Variants in INTS6 observed in about 807,000 individuals in gnomAD.
INTS6 encodes the protein DEAD box protein.
A neutral mutation model predicts 104.9 loss-of-function variants in INTS6; 16 were observed. The observed-to-expected ratio is 0.15, with a 90% CI of 0.10 to 0.23. The LOEUF (loss-of-function observed/expected upper bound fraction) is 0.23, where lower values mean the gene tolerates loss of function less well. Ranked by LOEUF, INTS6 falls within the 10% of genes least tolerant of loss-of-function variation. The probability of loss-of-function intolerance (pLI) is 1.00; values close to 1 mark genes in which losing one functional copy is unlikely to be tolerated. For missense variants in INTS6, 584 were observed against 1,062.8 expected (o/e 0.55, Z 6.26); for synonymous variants, 324 against 358.7 (o/e 0.90, Z 1.09).
exon 4 of INTS6, chr13:51,354,225 T>C (rs764673963): frequency 6.6e-6 from 1 of 152,122 alleles, no homozygotes; most frequent in Non-Finnish European, 1.5e-5. Context: ...TGTAGGTGAC[T>C]AGAGCATGGG....
Position 51,367,749 on chromosome 13 carries a change from A to C in INTS6, c.2570+56T>G, listed in dbSNP as rs1051012042. The C allele has an allele frequency of 1.7e-5, 16 of 961,170 alleles. No individual in the cohort carries two copies. The African/African-American group carries it at 2.6e-4, about 16-fold the overall frequency. 59.5% of individuals were successfully genotyped at this position (961,170 alleles called of 1,614,324 possible). A position where few individuals can be genotyped will look rare whatever the true frequency, so the allele number is the denominator to read the frequency against. On this transcript the variant is annotated intron_variant, in intron 17 of 17. Coordinates refer to ENST00000311234, the MANE Select transcript of INTS6 (RefSeq NM_012141.3). ...AACGGATACTATTAAAATACTGCCT[A>C]TATAAACTGTGGACTCATTTCATCA...
At chr13:51,429,934 C>T (rs564085210) in intron 4 of INTS6, among the ~76,000 whole-genome samples, 3 of 151,546 alleles carry the variant, frequency 2.0e-5, no homozygotes, top group South Asian at 2.1e-4. Flanking sequence ...GGACTGCCAA[C>T]GACAATCCAC....
At chr13:51,419,050 G>C (rs1342056078) in intron 4 of INTS6, among the ~76,000 whole-genome samples, 2 of 152,088 alleles carry the variant, frequency 1.3e-5, no homozygotes, top group South Asian at 4.1e-4. Context: ...TTTGCATCTA[G>C]GGTAATGTTT....
intron 17 of INTS6, among the ~76,000 whole-genome samples, chr13:51,367,330 C>G (rs908179087): frequency 6.6e-6 from 1 of 151,912 alleles, no homozygotes; most frequent in Non-Finnish European, 1.5e-5. Context: ...GAATGTGGAA[C>G]CCAGGGATAC....
Position 51,452,576 on chromosome 13 carries a change from G to A in INTS6, c.-51C>T, listed in dbSNP as rs756232990. 2 of 1,591,224 alleles carry A rather than the reference G, an allele frequency of 1.3e-6. No individual in the cohort carries two copies. The highest frequency in any genetic ancestry group is 1.4e-5 in the African/African-American group (1 of 73,826). Reference sequence around the variant, plus strand: ...CGAGGTGGTGGAGAAAGAGGAGATGGTAGAGGTGGAGGCGCCGGTGGCGGC... The same window carrying A: ...CGAGGTGGTGGAGAAAGAGGAGATGATAGAGGTGGAGGCGCCGGTGGCGGC... On this transcript the variant is annotated 5_prime_UTR_variant, in exon 1 of 18. Coordinates refer to ENST00000311234, the MANE Select transcript of INTS6 (RefSeq NM_012141.3). This position sits in a 1 kb window ranked among gnomAD's most constrained non-coding sequence, Gnocchi z 4.2.
rs776887576 is a variant in INTS6 at position 51,387,368 on chromosome 13, A to G, written c.894+18T>C. On this transcript the variant is annotated intron_variant, in intron 7 of 17. Transcript: ENST00000311234. The stretch of plus-strand genomic sequence containing the variant: ...GCTGAATGGTTACTATTACATAGTT[A>G]CAGTCTCTGGTACTTACTAGTGTTG... 6.3e-7 allele frequency: 1 copy of G among 1,593,574 alleles called. No individual in the cohort carries two copies.
chr13:51,383,128 A>C (rs1239698154), intron 9 of INTS6, among the ~76,000 whole-genome samples: 1 of 138,678 alleles, frequency 7.2e-6, no homozygotes, highest in Admixed American at 7.6e-5. Flanking sequence ...ATTAAATTGC[A>C]GACTAAAAAG....
chr13:51,353,911 C>T (rs1416805843), downstream of INTS6, among the ~76,000 whole-genome samples: 3 of 151,980 alleles, frequency 2.0e-5, no homozygotes, highest in African/African-American at 7.3e-5. Flanking sequence ...ATCAGCAGCC[C>T]TTTTAAAGTA....
chr13:51,369,518 A>G (rs1426551865), intron 15 of INTS6, among the ~76,000 whole-genome samples: 1 of 152,180 alleles, frequency 6.6e-6, no homozygotes, highest in African/African-American at 2.4e-5. Context: ...AATATTTACA[A>G]TTTTTACCCT....
intron 8 of INTS6, 38 bp downstream of exon 8, chr13:51,383,551 A>T (rs1027690621): frequency 5.0e-6 from 8 of 1,604,774 alleles, no homozygotes; most frequent in Non-Finnish European, 6.8e-6. Context: ...GAAATGCCTC[A>T]TTTAAATTTT....
At chr13:51,411,120 C>T (rs531246503) in intron 4 of INTS6, among the ~76,000 whole-genome samples, 4 of 147,626 alleles carry the variant, frequency 2.7e-5, no homozygotes, top group South Asian at 4.3e-4. Flanking sequence ...GGCTGAGGCA[C>T]GAGAATTGCT....
chr13:51,341,328 C>T, the INTS6 span: 20 of 1,604,030 alleles, frequency 1.2e-5, 1 homozygote, highest in South Asian at 1.4e-4. Context: ...TGGCAGATGC[C>T]CTGGGGTACA....
downstream of INTS6, among the ~76,000 whole-genome samples, chr13:51,353,324 G>C (rs918409673): frequency 6.6e-6 from 1 of 152,050 alleles, no homozygotes; most frequent in Non-Finnish European, 1.5e-5. Context: ...AATCACAATG[G>C]TAACAATAAG....
chr13:51,374,500 A>G, intron 14 of INTS6, 61 bp from the exon 15 acceptor site: 1 of 1,543,538 alleles, frequency 6.5e-7, no homozygotes, highest in Non-Finnish European at 8.9e-7. Flanking sequence ...TGGCACAACC[A>G]GTGTCAATTC....
intron 4 of INTS6, among the ~76,000 whole-genome samples, chr13:51,396,046 C>T (rs1404025772): frequency 6.6e-6 from 1 of 152,068 alleles, no homozygotes; most frequent in Non-Finnish European, 1.5e-5. Flanking sequence ...GACCCACACG[C>T]CTCGGCCTCT....
At chr13:51,429,260 T>C (rs117407240) in intron 4 of INTS6, among the ~76,000 whole-genome samples, 1,727 of 152,276 alleles carry the variant, frequency 0.011, 26 homozygotes, top group East Asian at 0.07. Context: ...TAAACCCTTA[T>C]AAATACCATG....
rs896396391 is a variant in INTS6 at position 51,426,995 on chromosome 13, T to C, written c.429+3299A>G. On this transcript the variant is annotated intron_variant, in intron 4 of 17. Coordinates refer to ENST00000311234, the MANE Select transcript of INTS6 (RefSeq NM_012141.3). ...CCCTGGATCTCAATTTTCTCATTTG[T>C]AAAATATAAGACTAAATGAGTTCTA... Among the ~76,000 whole-genome samples, 9 of 152,210 alleles carry C rather than the reference T, an allele frequency of 5.9e-5. No homozygotes were observed. The East Asian group carries it at 1.7e-3, about 29-fold the overall frequency.
chr13:51,395,733 CAATT>C (rs1157647940), intron 4 of INTS6, among the ~76,000 whole-genome samples: 5 of 152,184 alleles, frequency 3.3e-5, no homozygotes, highest in African/African-American at 9.7e-5. Flanking sequence ...GATTTAGACT[CAATT>C]AATTACTGGG....
At chr13:51,341,739 G>T in the INTS6 span, among the ~76,000 whole-genome samples, 4 of 152,128 alleles carry the variant, frequency 2.6e-5, no homozygotes, top group African/African-American at 9.7e-5. Flanking sequence ...AACATTAATT[G>T]AATTAATTGT....
Sources: gnomAD v4.1 joint callset for allele counts (sites outside exome capture counted in the v4.1 genomes callset) on GRCh38, gnomAD v4.1.1 for gene constraint, Gnocchi (gnomAD v3.1) non-coding constraint, MANE v1.5 for transcripts, NCBI Gene and HGNC (gene_info 2026-07-23, HGNC 2026-07-21) for gene names.